Variants in CHST13 observed in about 807,000 individuals in gnomAD.
CHST13 encodes the protein carbohydrate sulfotransferase 13.
Under a neutral mutation model 7.0 loss-of-function variants are expected in CHST13, and 1 was observed. The observed-to-expected ratio is 0.14, with a 90% CI of 0.05 to 0.68. The LOEUF (loss-of-function observed/expected upper bound fraction) is 0.68. Ranked by LOEUF, CHST13 falls within the 30% of genes least tolerant of loss-of-function variation. CHST13 has a pLI of 0.82. For synonymous variants in CHST13, 257 were observed against 240.9 expected (o/e 1.07, Z -0.62); for missense variants, 572 against 507.9 (o/e 1.13, Z -1.21).
At chr3:126,541,658 G>A (rs1936958336) in intron 2 of CHST13, 75 bp from the exon 3 acceptor site, 3 of 1,318,178 alleles carry the variant, frequency 2.3e-6, no homozygotes, top group Non-Finnish European at 2.9e-6. Context: ...GGCGCATCCC[G>A]CCGGGGCAGC....
intron 1 of CHST13, among the ~76,000 whole-genome samples, 188 bp downstream of exon 1, chr3:126,524,617 T>A (rs1936500691): frequency 6.6e-6 from 1 of 152,224 alleles, no homozygotes; most frequent in Admixed American, 6.5e-5. Context: ...GCAAAGGCTC[T>A]TGCTCCTCCT....
At chr3:126,532,420 T>C (rs896216533) in intron 1 of CHST13, among the ~76,000 whole-genome samples, 1 of 152,168 alleles carries the variant, frequency 6.6e-6, no homozygotes, top group African/African-American at 2.4e-5. Flanking sequence ...TTTGGGGCTA[T>C]GATCCATTTT....
chr3:126,539,867 C>A (rs796233616), intron 2 of CHST13, among the ~76,000 whole-genome samples: 9 of 254 alleles, frequency 0.035, 1 homozygote, highest in East Asian at 0.25. Context: ...ACACCCCACA[C>A]CACACACACA....
chr3:126,542,560 C>G lies in CHST13; in HGVS notation c.1008C>G (p.Ser336=). The change falls in exon 3 of 3, where the codon TCC becomes TCG. Residue 336 remains serine, a synonymous_variant. Transcript: ENST00000319340. The part of the protein sequence containing the change: ...DFLLFNYSAP[S]YLRLL ...TGCTTTTCAACTACTCCGCCCCCTCCTACCTGCGGCTGCTCTAGCGGTCCT... is the reference window on the plus strand; with the variant it reads ...TGCTTTTCAACTACTCCGCCCCCTCGTACCTGCGGCTGCTCTAGCGGTCCT... 1 of 1,499,684 alleles carries G rather than the reference C, an allele frequency of 6.7e-7. No homozygotes were observed. The highest frequency in any genetic ancestry group is 1.5e-5 in the African/African-American group (1 of 68,734). The allele number at this position is 1,499,684 out of a possible 1,614,324, so 92.9% of individuals were successfully genotyped here.
chr3:126,532,647 C>T (rs1351051208), intron 1 of CHST13, among the ~76,000 whole-genome samples: 2 of 152,196 alleles, frequency 1.3e-5, no homozygotes, highest in South Asian at 2.1e-4. Context: ...CTAGCCAGCA[C>T]CACACAGTCT....
intron 1 of CHST13, chr3:126,529,237 T>C (rs1451505779): frequency 1.9e-6 from 2 of 1,058,208 alleles, no homozygotes; most frequent in Non-Finnish European, 2.6e-6. Context: ...GGTATCTTGA[T>C]TGGCAGAGGA....
rs200175838 is a variant in CHST13 at position 126,541,986 on chromosome 3, C to G, written c.434C>G (p.Ala145Gly). Reference protein sequence around the residue: ...PRAISAQEAHAPGRLPSLADF... With the variant: ...PRAISAQEAHGPGRLPSLADF... ...GCCATCTCCGCGCAAGAGGCGCACG[C>G]GCCTGGCCGCCTGCCCTCACTGGCC... Residue 145 changes from alanine (A) to glycine (G), a missense_variant, in exon 3 of 3, where the codon GCG becomes GGG. By Grantham distance (60) the Ala-to-Gly change is moderately conservative (BLOSUM62 0). Transcript: ENST00000319340. 6.4e-7 allele frequency: 1 copy of G among 1,563,752 alleles called. No homozygotes were observed. Among genetic ancestry groups the G allele is most frequent in the East Asian group, 2.4e-5 (1 of 42,072 alleles).
At chr3:126,539,414 C>T (rs577510699) in intron 2 of CHST13, among the ~76,000 whole-genome samples, 13 of 151,988 alleles carry the variant, frequency 8.6e-5, no homozygotes, top group Admixed American at 7.9e-4. Context: ...GCATAGTGTG[C>T]ACATGTGTGC....
At position 126,542,651 on chromosome 3, in the gene CHST13, C is replaced by T; in HGVS notation, c.*73C>T. ...AGACCCCCGGGGAATGCAGGTGCTG[C>T]CGGCCCCAGGACCCCTCTTCAAGAG... On this transcript the variant is annotated 3_prime_UTR_variant, in exon 3 of 3. Coordinates refer to ENST00000319340, the MANE Select transcript of CHST13 (RefSeq NM_152889.3). 2.2e-6 allele frequency: 3 copies of T among 1,395,240 alleles called. No homozygotes were observed. The highest frequency in any genetic ancestry group is 1.9e-6 in the Non-Finnish European group (2 of 1,073,862). The allele number at this position is 1,395,240 out of a possible 1,614,324, so 86.4% of individuals were successfully genotyped here. A position where few individuals can be genotyped will look rare whatever the true frequency, so the allele number is the denominator to read the frequency against.
At chr3:126,525,354 C>T (rs1936517602) in intron 1 of CHST13, among the ~76,000 whole-genome samples, 1 of 152,150 alleles carries the variant, frequency 6.6e-6, no homozygotes, top group African/African-American at 2.4e-5. Flanking sequence ...GGATGTTGGG[C>T]AGTGGGGGTG....
In CHST13 at chr3:126,542,166, T is replaced by G; in HGVS notation, c.614T>G (p.Val205Gly). 6.7e-7 allele frequency: 1 copy of G among 1,493,214 alleles called. No homozygotes were observed. The highest frequency in any genetic ancestry group is 8.9e-7 in the Non-Finnish European group (1 of 1,129,772). The allele number at this position is 1,493,214 out of a possible 1,614,324, so 92.5% of individuals were successfully genotyped here. A position where few individuals can be genotyped will look rare whatever the true frequency, so the allele number is the denominator to read the frequency against. The change falls in exon 3 of 3, where the codon GTT becomes GGT. Residue 205 changes from valine to glycine, a missense_variant. Coordinates refer to ENST00000319340, the MANE Select transcript of CHST13 (RefSeq NM_152889.3). ...CAGAGGCGCTACGGTGCACGCATCG[T>G]TCAGCGCCTGCGGCCGCGCGCGCTC... ...AFQRRYGARI[V>G]QRLRPRALPD...
chr3:126,540,028 C>T (rs72982023), intron 2 of CHST13, among the ~76,000 whole-genome samples: 17,706 of 149,154 alleles, frequency 0.12, 1,654 homozygotes, highest in African/African-American at 0.27. Context: ...GCCACACACA[C>T]GCACACCACA....
chr3:126,541,570 C>G (rs1389181460), intron 2 of CHST13, among the ~76,000 whole-genome samples, 163 bp from the exon 3 acceptor site: 2 of 152,194 alleles, frequency 1.3e-5, no homozygotes, highest in Non-Finnish European at 2.9e-5. Flanking sequence ...ATGCCCGGGC[C>G]CTAAACCACA....
At chr3:126,535,742 G>A (rs1936776894) in intron 1 of CHST13, among the ~76,000 whole-genome samples, 1 of 152,240 alleles carries the variant, frequency 6.6e-6, no homozygotes, top group Admixed American at 6.5e-5. Context: ...TCCCTGATGG[G>A]GAAGCACTGC....
chr3:126,530,869 C>T (rs987215374), intron 1 of CHST13, among the ~76,000 whole-genome samples: 1 of 152,262 alleles, frequency 6.6e-6, no homozygotes, highest in African/African-American at 2.4e-5. Context: ...CCTCTGCATG[C>T]CCTGGCCACT....
intron 1 of CHST13, among the ~76,000 whole-genome samples, chr3:126,533,531 AT>A (rs1488433737): frequency 6.6e-6 from 1 of 152,054 alleles, no homozygotes; most frequent in Non-Finnish European, 1.5e-5. Flanking sequence ...ACATTGATTG[AT>A]TTGTGTATAT....
intron 2 of CHST13, among the ~76,000 whole-genome samples, chr3:126,538,511 A>C (rs1431242716): frequency 6.6e-6 from 1 of 152,226 alleles, no homozygotes; most frequent in Non-Finnish European, 1.5e-5. Context: ...GAAGCTGAAG[A>C]TATGGCTCCC....
At chr3:126,537,705 G>A (rs72982016) in intron 2 of CHST13, among the ~76,000 whole-genome samples, 17,949 of 152,244 alleles carry the variant, frequency 0.12, 1,749 homozygotes, top group African/African-American at 0.27. Context: ...CCCTGTGACC[G>A]TTGGGTGTCA....
intron 1 of CHST13, among the ~76,000 whole-genome samples, chr3:126,530,300 C>T (rs1463680522): frequency 6.6e-6 from 1 of 152,252 alleles, no homozygotes; most frequent in African/African-American, 2.4e-5. Context: ...CCACTGGCCC[C>T]TGGGGGCTGT....
Sources: allele counts gnomAD v4.1 joint callset (sites outside exome capture counted in the v4.1 genomes callset), GRCh38; gene constraint gnomAD v4.1.1; transcripts MANE v1.5; gene names NCBI Gene and HGNC (gene_info 2026-07-23, HGNC 2026-07-21).